The following FTCDNL1 variants were observed in gnomAD, a reference collection of about 807,000 sequenced individuals.
FTCDNL1 encodes the protein formiminotransferase cyclodeaminase N-terminal like, also known as formiminotransferase N-terminal subdomain-containing protein.
A neutral mutation model predicts 5.9 loss-of-function variants in FTCDNL1; 11 were observed. The observed-to-expected ratio is 1.87, with a 90% confidence interval of 1.18 to 3.10. FTCDNL1 has a LOEUF of 3.10. FTCDNL1 is among the 30% of genes most tolerant of loss of function. The pLI, the probability that FTCDNL1 is intolerant of heterozygous loss-of-function variation, is 0.00. For synonymous variants in FTCDNL1, 58 were observed against 24.8 expected (o/e 2.34, Z -3.99); for missense variants, 115 against 65.5 (o/e 1.76, Z -2.61).
At chr2:199,785,472 A>C (rs1699595383) in intron 3 of FTCDNL1, 1 of 151,738 alleles carries the variant, frequency 6.6e-6, no homozygotes, top group Non-Finnish European at 1.5e-5. Flanking sequence ...TCCTGACCTC[A>C]TGATCCGCCT....
rs1218458084 is a variant in FTCDNL1 at position 199,844,428 on chromosome 2, A to G, written c.211+1647T>C. On this transcript the variant is annotated intron_variant, in intron 3 of 4. Transcript: ENST00000420128. ...TCCACTGTGACACCAGAGAGAGGGT[A>G]AATCGGAATCAAGTCCACTGCTCCC... 1.4e-5 allele frequency: 9 copies of G among 660,172 alleles called. No individual in the cohort carries two copies. In the East Asian group the frequency reaches 2.3e-4, roughly 17 times the overall value. The allele number at this position is 660,172 out of a possible 1,614,324, so 40.9% of individuals were successfully genotyped here.
intron 3 of FTCDNL1, among the ~76,000 whole-genome samples, chr2:199,776,956 AT>A (rs1163567562): frequency 4.5e-5 from 5 of 110,172 alleles, no homozygotes; most frequent in African/African-American, 1.9e-4. Flanking sequence ...AGATGTGTGT[AT>A]ATGTGTGTGT....
intron 4 of FTCDNL1, among the ~76,000 whole-genome samples, chr2:199,816,623 G>C (rs552434974): frequency 6.6e-6 from 1 of 152,146 alleles, no homozygotes; most frequent in East Asian, 1.9e-4. Context: ...ATACTACCTG[G>C]TATCCCTTGC....
At chr2:199,793,758 G>A (rs919161687) in intron 3 of FTCDNL1, among the ~76,000 whole-genome samples, 1 of 152,112 alleles carries the variant, frequency 6.6e-6, no homozygotes, top group Non-Finnish European at 1.5e-5. Context: ...AACCACCCAG[G>A]CCACGACCTA....
the FTCDNL1 span, among the ~76,000 whole-genome samples, chr2:199,684,192 A>G: frequency 6.6e-6 from 1 of 152,236 alleles, no homozygotes; most frequent in Non-Finnish European, 1.5e-5. Flanking sequence ...TTCACACTAT[A>G]GCAGCAATTA....
At chr2:199,842,096 T>C (rs970659996) in intron 3 of FTCDNL1, among the ~76,000 whole-genome samples, 5 of 147,330 alleles carry the variant, frequency 3.4e-5, no homozygotes, top group Admixed American at 6.9e-5. Context: ...CCATTTCTAC[T>C]AAAAATACAA....
the FTCDNL1 span, among the ~76,000 whole-genome samples, chr2:199,710,178 A>G: frequency 6.6e-6 from 1 of 152,184 alleles, no homozygotes; most frequent in Non-Finnish European, 1.5e-5. Flanking sequence ...CTTTTTCACA[A>G]TCTACTTAGT....
the FTCDNL1 span, among the ~76,000 whole-genome samples, chr2:199,752,744 G>C: frequency 0.13 from 3,518 of 26,522 alleles, 130 homozygotes; most frequent in African/African-American, 0.19. Flanking sequence ...CTCTCTCTGT[G>C]TGTGTGTGTG....
chr2:199,766,500 G>T (rs975551303), intron 3 of FTCDNL1, among the ~76,000 whole-genome samples: 2 of 152,132 alleles, frequency 1.3e-5, no homozygotes. Flanking sequence ...TAAATGAGCA[G>T]AGTAGTTATA....
the FTCDNL1 span, among the ~76,000 whole-genome samples, chr2:199,724,786 G>T: frequency 6.6e-6 from 1 of 151,960 alleles, no homozygotes; most frequent in Non-Finnish European, 1.5e-5. Context: ...ATTTGCTGAG[G>T]AGTGTTTTAC....
At chr2:199,757,610 C>G (rs1361421660), downstream of FTCDNL1, among the ~76,000 whole-genome samples, 1 of 152,174 alleles carries the variant, frequency 6.6e-6, no homozygotes, top group Non-Finnish European at 1.5e-5. Context: ...CTAGTCCTGA[C>G]TCCTGTGTTT....
chr2:199,726,565 G>C, the FTCDNL1 span, among the ~76,000 whole-genome samples: 1 of 152,040 alleles, frequency 6.6e-6, no homozygotes, highest in Non-Finnish European at 1.5e-5. Flanking sequence ...CATTTTGTTG[G>C]GATTTTTGTG....
chr2:199,842,862 T>C (rs757526719), intron 3 of FTCDNL1, among the ~76,000 whole-genome samples: 58 of 152,020 alleles, frequency 3.8e-4, no homozygotes, highest in Non-Finnish European at 6.3e-4. Context: ...AAAAACATCC[T>C]TTCACTGTTC....
At chr2:199,709,355 G>C in the FTCDNL1 span, among the ~76,000 whole-genome samples, 1 of 152,082 alleles carries the variant, frequency 6.6e-6, no homozygotes, top group African/African-American at 2.4e-5. Flanking sequence ...TTTTAACCCA[G>C]GGCAGCCAGT....
intron 3 of FTCDNL1, among the ~76,000 whole-genome samples, chr2:199,777,212 G>A (rs189705299): frequency 2.6e-5 from 4 of 152,142 alleles, no homozygotes; most frequent in South Asian, 2.1e-4. Context: ...AGAATCTCTT[G>A]AACCCAGGAG....
At chr2:199,683,014 T>A in the FTCDNL1 span, among the ~76,000 whole-genome samples, 2 of 152,206 alleles carry the variant, frequency 1.3e-5, no homozygotes, top group African/African-American at 4.8e-5. Context: ...CCCCATTCTA[T>A]AATTGTGAGG....
chr2:199,809,942 G>A lies in FTCDNL1; in HGVS notation c.*2763C>T, dbSNP rs1409251972. Among the ~76,000 whole-genome samples the A allele has an allele frequency of 6.7e-6, 1 of 149,142 alleles. No homozygotes were observed. The highest frequency in any genetic ancestry group is 1.5e-5 in the Non-Finnish European group (1 of 67,436). ...AACCCTCCCATTTTTTAGTCACTTAGTATCTGATTTTATTTTGCTGATAAT... is the reference window on the plus strand; with the variant it reads ...AACCCTCCCATTTTTTAGTCACTTAATATCTGATTTTATTTTGCTGATAAT... On this transcript the variant is annotated 3_prime_UTR_variant, in exon 5 of 5. Coordinates refer to ENST00000420128, the MANE Select transcript of FTCDNL1 (RefSeq NM_001363886.2).
the FTCDNL1 span, among the ~76,000 whole-genome samples, chr2:199,718,554 G>A: frequency 6.6e-6 from 1 of 152,008 alleles, no homozygotes; most frequent in Non-Finnish European, 1.5e-5. Context: ...TTTTCCCTTT[G>A]TGTAGATACT....
the FTCDNL1 span, among the ~76,000 whole-genome samples, chr2:199,688,791 C>A: frequency 6.6e-6 from 1 of 152,208 alleles, no homozygotes; most frequent in African/African-American, 2.4e-5. Context: ...GACTTGGAGG[C>A]AATCTCAGTA....
Sources: gnomAD v4.1 joint callset for allele counts (sites outside exome capture counted in the v4.1 genomes callset) on GRCh38, gnomAD v4.1.1 for gene constraint, MANE v1.5 for transcripts, NCBI Gene and HGNC (gene_info 2026-07-23, HGNC 2026-07-21) for gene names.